Variants in PPP1R17 observed in about 807,000 individuals in gnomAD.
PPP1R17 encodes the protein G-substrate.
In PPP1R17, 12 loss-of-function variants were observed where a neutral mutation model predicts 15.9. The ratio of observed to expected loss-of-function variants is 0.75; its 90% CI spans 0.48 to 1.22. The LOEUF is 1.22. Among genes scored for constraint, PPP1R17 ranks in the 50% most tolerant of loss-of-function variants. The probability of loss-of-function intolerance (pLI) is 0.00; values close to 1 mark genes in which losing one functional copy is unlikely to be tolerated. For synonymous variants in PPP1R17, 63 were observed against 64.5 expected, an observed-to-expected ratio of 0.98 and a Z score of 0.11; for missense variants, 211 against 187.3, an observed-to-expected ratio of 1.13 and a Z score of -0.74.
chr7:31,687,685 A>G (rs1396885028), intron 1 of PPP1R17, among the ~76,000 whole-genome samples: 2 of 152,236 alleles, frequency 1.3e-5, no homozygotes, highest in Non-Finnish European at 2.9e-5. Context: ...GAATACTGCC[A>G]ATTTAGGTTT....
chr7:31,707,484 CTG>C lies in PPP1R17; in HGVS notation c.*205_*206del, dbSNP rs1379501791. 4 of 536,906 alleles carry C rather than the reference CTG, an allele frequency of 7.5e-6. No individual in the cohort carries two copies. The highest frequency in any genetic ancestry group is 9.8e-6 in the Non-Finnish European group (3 of 305,856). The allele number at this position is 536,906 out of a possible 1,614,324, so 33.3% of individuals were successfully genotyped here. A position where few individuals can be genotyped will look rare whatever the true frequency, so the allele number is the denominator to read the frequency against. ...CTTCTTTCTGAGTATGGTTTCTATT[CTG>C]TGTTTTGAATTTTTATTTTCTAATG... On this transcript the variant is annotated 3_prime_UTR_variant, in exon 5 of 5. Transcript: ENST00000342032.
chr7:31,701,680 A>T (rs1302876817), intron 4 of PPP1R17, among the ~76,000 whole-genome samples: 1 of 152,264 alleles, frequency 6.6e-6, no homozygotes, highest in Non-Finnish European at 1.5e-5. Flanking sequence ...CTTCACTGTC[A>T]TCTTGAGAGA....
chr7:31,705,967 T>C (rs1266190761), intron 4 of PPP1R17, among the ~76,000 whole-genome samples: 2 of 148,892 alleles, frequency 1.3e-5, no homozygotes, highest in African/African-American at 5.0e-5. Flanking sequence ...CTCAGACTTC[T>C]GAATTTCACA....
intron 1 of PPP1R17, among the ~76,000 whole-genome samples, chr7:31,688,126 C>T (rs1445433414): frequency 6.6e-6 from 1 of 152,158 alleles, no homozygotes; most frequent in Non-Finnish European, 1.5e-5. Flanking sequence ...CCCTCACACT[C>T]ACGAAAATAT....
At chr7:31,688,119 T>C (rs2128236324) in intron 1 of PPP1R17, among the ~76,000 whole-genome samples, 1 of 152,278 alleles carries the variant, frequency 6.6e-6, no homozygotes, top group Admixed American at 6.5e-5. Flanking sequence ...AGAAGGTCCC[T>C]CACACTCACG....
intron 1 of PPP1R17, among the ~76,000 whole-genome samples, chr7:31,688,731 G>A (rs2128236701): frequency 6.6e-6 from 1 of 152,310 alleles, no homozygotes; most frequent in South Asian, 2.1e-4. Context: ...TTAGTAAGAG[G>A]AAGTTACAAG....
intron 4 of PPP1R17, among the ~76,000 whole-genome samples, chr7:31,702,954 A>G (rs1792916954): frequency 1.3e-5 from 2 of 152,320 alleles, no homozygotes; most frequent in African/African-American, 4.8e-5. Flanking sequence ...ATCCCAGTAT[A>G]CGAAATTGAA....
In PPP1R17 at chr7:31,707,483, T is replaced by C; in HGVS notation, c.*200T>C. On this transcript the variant is annotated 3_prime_UTR_variant, in exon 5 of 5. Transcript: ENST00000342032. ...TCTTCTTTCTGAGTATGGTTTCTAT[T>C]CTGTGTTTTGAATTTTTATTTTCTA... 2 of 540,954 alleles carry C rather than the reference T, an allele frequency of 3.7e-6. No individual in the cohort carries two copies. The highest frequency in any genetic ancestry group is 6.5e-6 in the Non-Finnish European group (2 of 307,918). The allele number at this position is 540,954 out of a possible 1,614,324, so 33.5% of individuals were successfully genotyped here.
intron 4 of PPP1R17, among the ~76,000 whole-genome samples, chr7:31,699,602 C>A (rs1792754797): frequency 6.6e-6 from 1 of 151,800 alleles, no homozygotes; most frequent in Non-Finnish European, 1.5e-5. Flanking sequence ...TACCTCATTC[C>A]ATTTCTCTTC....
rs1470766584 is a variant in PPP1R17 at position 31,692,995 on chromosome 7, T to A, written c.82+472T>A. On this transcript the variant is annotated intron_variant, in intron 2 of 4. Transcript: ENST00000342032. ...AATCTGTTTCCTTTCCAGAACTGAC[T>A]TTTTGCATAACCTTTGTAATGAAAA... Among the ~76,000 whole-genome samples the A allele has an allele frequency of 3.9e-5, 6 of 152,148 alleles. No homozygotes were observed. In the East Asian group the frequency reaches 5.8e-4, roughly 15 times the overall value.
At chr7:31,690,848 A>G (rs1792313519) in intron 1 of PPP1R17, among the ~76,000 whole-genome samples, 1 of 152,176 alleles carries the variant, frequency 6.6e-6, no homozygotes, top group African/African-American at 2.4e-5. Flanking sequence ...TTTGAGCCTC[A>G]GTTTCTTCTT....
At chr7:31,689,437 C>T (rs1171695115) in intron 1 of PPP1R17, among the ~76,000 whole-genome samples, 1 of 152,094 alleles carries the variant, frequency 6.6e-6, no homozygotes, top group African/African-American at 2.4e-5. Flanking sequence ...ATGATGAAAC[C>T]TTCCCTGGGC....
intron 1 of PPP1R17, among the ~76,000 whole-genome samples, chr7:31,691,956 G>T (rs184700329): frequency 1.3e-5 from 2 of 152,136 alleles, no homozygotes; most frequent in African/African-American, 4.8e-5. Flanking sequence ...TTTAATAGAT[G>T]TGTGACTAAA....
At chr7:31,702,933 GGCA>G (rs1562704196) in intron 4 of PPP1R17, among the ~76,000 whole-genome samples, 1 of 152,130 alleles carries the variant, frequency 6.6e-6, no homozygotes, top group East Asian at 1.9e-4. Context: ...AATATTTATG[GGCA>G]GGGAGTCATC....
At chr7:31,694,217 C>T (rs1351677694) in intron 2 of PPP1R17, among the ~76,000 whole-genome samples, 2 of 152,104 alleles carry the variant, frequency 1.3e-5, no homozygotes, top group African/African-American at 4.8e-5. Context: ...ACACTCAGGA[C>T]TGGAGTTAAT....
At chr7:31,695,659 G>A in intron 3 of PPP1R17, 38 bp downstream of exon 3, 1 of 1,558,928 alleles carries the variant, frequency 6.4e-7, no homozygotes, top group Non-Finnish European at 8.7e-7. Flanking sequence ...GTAAAGGAGA[G>A]CCACTTGCCA....
At chr7:31,697,653 G>A (rs924984329) in intron 4 of PPP1R17, among the ~76,000 whole-genome samples, 3 of 152,200 alleles carry the variant, frequency 2.0e-5, no homozygotes, top group Non-Finnish European at 4.4e-5. Context: ...AGAAGTACAA[G>A]TTGGGGAATA....
chr7:31,706,378 T>C (rs2128249645), intron 4 of PPP1R17, among the ~76,000 whole-genome samples: 1 of 152,286 alleles, frequency 6.6e-6, no homozygotes, highest in East Asian at 1.9e-4. Context: ...TTTATAAGGT[T>C]GCATTTCAAA....
chr7:31,690,497 G>A (rs990004229), intron 1 of PPP1R17, among the ~76,000 whole-genome samples: 1 of 152,220 alleles, frequency 6.6e-6, no homozygotes, highest in Admixed American at 6.5e-5. Context: ...CTTGTGTGGA[G>A]AGGGGGCAAA....
Sources: gnomAD v4.1 joint callset for allele counts (sites outside exome capture counted in the v4.1 genomes callset) on GRCh38, gnomAD v4.1.1 for gene constraint, MANE v1.5 for transcripts, NCBI Gene and HGNC (gene_info 2026-07-23, HGNC 2026-07-21) for gene names.